SLC7A2: variants seen among roughly 807,000 people sequenced by gnomAD.
SLC7A2 encodes the protein solute carrier family 7 member 2.
SLC7A2 carries 48 observed loss-of-function variants against 58.9 expected under a neutral mutation model. The observed-to-expected ratio is 0.82, with a 90% CI of 0.65 to 1.04. The LOEUF is 1.04. Ranked by LOEUF, SLC7A2 falls within the 50% of genes least tolerant of loss-of-function variation. The pLI is 0.00. For synonymous variants in SLC7A2, 363 were observed against 314.5 expected, an observed-to-expected ratio of 1.15 and a Z score of -1.63; for missense variants, 1,029 against 818.8, an observed-to-expected ratio of 1.26 and a Z score of -3.13.
chr8:17,547,931 T>C (rs1311179437), intron 4 of SLC7A2, among the ~76,000 whole-genome samples: 6 of 152,188 alleles, frequency 3.9e-5, no homozygotes, highest in Non-Finnish European at 5.9e-5. Flanking sequence ...AATATACAGC[T>C]ATTAAAATGA....
At chr8:17,538,517 T>C (rs990069178) in intron 2 of SLC7A2, among the ~76,000 whole-genome samples, 29 of 152,246 alleles carry the variant, frequency 1.9e-4, no homozygotes, top group Admixed American at 2.0e-4. Flanking sequence ...ATTATACTTT[T>C]GATGAATTTG....
At chr8:17,514,739 C>T (rs118009651) in intron 2 of SLC7A2, among the ~76,000 whole-genome samples, 2 of 152,170 alleles carry the variant, frequency 1.3e-5, no homozygotes, top group East Asian at 3.9e-4. Flanking sequence ...GGCCTCATTC[C>T]TAAGCAGATT....
chr8:17,569,577 T>C lies in SLC7A2; in HGVS notation c.*4431T>C, dbSNP rs976505879. On this transcript the variant is annotated 3_prime_UTR_variant, in exon 13 of 13. Coordinates refer to ENST00000494857, the MANE Select transcript of SLC7A2 (RefSeq NM_001370338.1). ...GAGATTTTTTTTCCTTACATGATTA[T>C]ATTAAACACTTTAAAATAGCCTTCC... 4.0e-5 allele frequency: 6 copies of C among 151,850 alleles called. No homozygotes were observed. The highest frequency in any genetic ancestry group is 1.4e-4 in the African/African-American group (6 of 41,436). 9.4% of individuals were successfully genotyped at this position (151,850 alleles called of 1,614,324 possible).
rs772998799 is a variant in SLC7A2 at position 17,562,031 on chromosome 8, C to G, written c.1592C>G (p.Ala531Gly). 1.9e-6 allele frequency: 3 copies of G among 1,613,904 alleles called. No homozygotes were observed. The highest frequency in any genetic ancestry group is 2.5e-6 in the Non-Finnish European group (3 of 1,179,980). Residue 531 changes from alanine to glycine, a missense_variant, in exon 11 of 13, where the codon GCG (alanine) becomes GGG (glycine). Ala to Gly is a moderately conservative substitution (Grantham distance 60). Coordinates refer to ENST00000494857, the MANE Select transcript of SLC7A2 (RefSeq NM_001370338.1). ...RLEAWSLALL[A>G]LFLVLFVAIV... ...GAGGCCTGGAGCCTCGCTCTCCTCG[C>G]GCTGTTTCTTGTTCTCTTCGTTGCC...
intron 8 of SLC7A2, among the ~76,000 whole-genome samples, chr8:17,556,439 T>G (rs1286910915): frequency 1.3e-5 from 2 of 152,118 alleles, no homozygotes; most frequent in East Asian, 1.9e-4. Context: ...TAAAATGCTC[T>G]AAAATATTTT....
At chr8:17,547,699 A>G (rs1014990793) in intron 4 of SLC7A2, among the ~76,000 whole-genome samples, 2 of 152,096 alleles carry the variant, frequency 1.3e-5, no homozygotes, top group Non-Finnish European at 2.9e-5. Context: ...TCTATAAATA[A>G]GGGATGAATT....
intron 9 of SLC7A2, 60 bp downstream of exon 9, chr8:17,558,457 A>G (rs1802813064): frequency 4.6e-6 from 5 of 1,087,008 alleles, no homozygotes; most frequent in South Asian, 4.2e-5. Flanking sequence ...GGAGTGAGAA[A>G]ATGAGCCCTC....
At chr8:17,522,419 G>T (rs1177829156) in intron 2 of SLC7A2, among the ~76,000 whole-genome samples, 1 of 152,130 alleles carries the variant, frequency 6.6e-6, no homozygotes, top group African/African-American at 2.4e-5. Context: ...TGTCAACTTG[G>T]CCATGCTGAC....
At chr8:17,500,858 G>A (rs1053221056) in intron 1 of SLC7A2, among the ~76,000 whole-genome samples, 1 of 150,872 alleles carries the variant, frequency 6.6e-6, no homozygotes, top group African/African-American at 2.5e-5. Flanking sequence ...TCCCAGCCAA[G>A]TAGGAGTTCA....
chr8:17,501,326 T>C (rs1377758810), intron 1 of SLC7A2, among the ~76,000 whole-genome samples: 1 of 152,228 alleles, frequency 6.6e-6, no homozygotes, highest in Non-Finnish European at 1.5e-5. Context: ...TTATGGACTC[T>C]TAAAGTTTAA....
chr8:17,522,762 A>G (rs1382390207), intron 2 of SLC7A2, among the ~76,000 whole-genome samples: 1 of 152,152 alleles, frequency 6.6e-6, no homozygotes, highest in Non-Finnish European at 1.5e-5. Flanking sequence ...TTGGCTGGGT[A>G]CAGTGGCTCA....
intron 2 of SLC7A2, among the ~76,000 whole-genome samples, chr8:17,533,476 A>C (rs1389508251): frequency 6.6e-6 from 1 of 152,204 alleles, no homozygotes; most frequent in African/African-American, 2.4e-5. Context: ...TTTGCCTAGC[A>C]TTGAGACAAA....
chr8:17,502,388 G>A (rs944882170), intron 2 of SLC7A2, 86 bp downstream of exon 2: 1 of 152,162 alleles, frequency 6.6e-6, no homozygotes, highest in African/African-American at 2.4e-5. Context: ...AAAGATTTGT[G>A]CCTATTCCAT....
chr8:17,517,882 A>C (rs1036935452), intron 2 of SLC7A2, among the ~76,000 whole-genome samples: 6 of 152,122 alleles, frequency 3.9e-5, no homozygotes, highest in African/African-American at 1.2e-4. Context: ...TGGGTTATGC[A>C]GCATGGAAGA....
At chr8:17,516,895 G>C (rs1391598669) in intron 2 of SLC7A2, among the ~76,000 whole-genome samples, 1 of 152,216 alleles carries the variant, frequency 6.6e-6, no homozygotes, top group African/African-American at 2.4e-5. Context: ...CCAGTGAACA[G>C]AGCAGTCAAA....
chr8:17,550,862 C>A (rs1802416006), intron 6 of SLC7A2, among the ~76,000 whole-genome samples: 1 of 152,138 alleles, frequency 6.6e-6, no homozygotes, highest in African/African-American at 2.4e-5. Context: ...TCTATGTTAT[C>A]TTATACAACA....
intron 2 of SLC7A2, among the ~76,000 whole-genome samples, chr8:17,531,393 T>C (rs535698839): frequency 4.6e-5 from 7 of 152,116 alleles, no homozygotes; most frequent in Non-Finnish European, 1.0e-4. Flanking sequence ...AAAAAATGAG[T>C]GTTGTTAAAA....
intron 5 of SLC7A2, among the ~76,000 whole-genome samples, chr8:17,549,404 C>T (rs1802339547): frequency 6.6e-6 from 1 of 152,232 alleles, no homozygotes; most frequent in Admixed American, 6.5e-5. Flanking sequence ...CCTTTTGGAG[C>T]AACTGTGTGA....
intron 2 of SLC7A2, among the ~76,000 whole-genome samples, chr8:17,522,425 C>G (rs10107446): frequency 0.48 from 73,111 of 151,802 alleles, 18,602 homozygotes; most frequent in Middle Eastern, 0.59. Context: ...CTTGGCCATG[C>G]TGACTACAAG....
Sources: gnomAD v4.1 joint callset for allele counts (sites outside exome capture counted in the v4.1 genomes callset) on GRCh38, gnomAD v4.1.1 for gene constraint, MANE v1.5 for transcripts, NCBI Gene and HGNC (gene_info 2026-07-23, HGNC 2026-07-21) for gene names.